Variants in GALNT13 observed in about 807,000 individuals in gnomAD.
GALNT13 encodes UDP-GalNAc:polypeptide N-acetylgalactosaminyltransferase 13.
Under a neutral mutation model 64.2 loss-of-function variants are expected in GALNT13, and 28 were observed. The ratio of observed to expected loss-of-function variants is 0.44; its 90% CI spans 0.32 to 0.60. The LOEUF (loss-of-function observed/expected upper bound fraction) is 0.60, where lower values mean the gene tolerates loss of function less well. Ranked by LOEUF, GALNT13 falls within the 20% of genes least tolerant of loss-of-function variation. The pLI is 0.05. For synonymous variants in GALNT13, 214 were observed against 224.6 expected (o/e 0.95, Z 0.42); for missense variants, 577 against 669.8 (o/e 0.86, Z 1.53).
At chr2:153,312,793 G>A in the GALNT13 span, among the ~76,000 whole-genome samples, 1 of 152,110 alleles carries the variant, frequency 6.6e-6, no homozygotes, top group African/African-American at 2.4e-5. Flanking sequence ...TGTTCAAACT[G>A]GCTTTAGCTC....
At chr2:153,068,438 G>A in the GALNT13 span, among the ~76,000 whole-genome samples, 1 of 152,132 alleles carries the variant, frequency 6.6e-6, no homozygotes, top group Non-Finnish European at 1.5e-5. Context: ...CTGAGGTTTT[G>A]TGTCTGGCTA....
At chr2:153,199,872 G>A in the GALNT13 span, among the ~76,000 whole-genome samples, 2 of 152,156 alleles carry the variant, frequency 1.3e-5, no homozygotes, top group African/African-American at 4.8e-5. Flanking sequence ...GAGGAATGAA[G>A]GATGATACAG....
the GALNT13 span, among the ~76,000 whole-genome samples, chr2:153,544,710 T>G: frequency 1.3e-5 from 2 of 152,224 alleles, no homozygotes; most frequent in African/African-American, 4.8e-5. Flanking sequence ...ATTTCTAATA[T>G]GATACAAGAA....
chr2:153,354,051 A>G, the GALNT13 span, among the ~76,000 whole-genome samples: 13 of 152,162 alleles, frequency 8.5e-5, no homozygotes, highest in Non-Finnish European at 1.6e-4. Context: ...TTGGAAGGCT[A>G]TTAGTGATTG....
chr2:153,133,695 G>A, the GALNT13 span, among the ~76,000 whole-genome samples: 2 of 151,970 alleles, frequency 1.3e-5, no homozygotes, highest in Non-Finnish European at 1.5e-5. Flanking sequence ...TATAATTTAG[G>A]GCAACACAAC....
At chr2:153,912,055 G>T (rs1296474927) in intron 2 of GALNT13, among the ~76,000 whole-genome samples, 1 of 151,770 alleles carries the variant, frequency 6.6e-6, no homozygotes, top group Non-Finnish European at 1.5e-5. Context: ...TCATAGATTT[G>T]GTCTCTTTAT....
chr2:153,925,328 G>GT (rs1354646890), intron 2 of GALNT13, among the ~76,000 whole-genome samples: 2 of 151,952 alleles, frequency 1.3e-5, no homozygotes, highest in African/African-American at 2.4e-5. Flanking sequence ...CCCATTGCTT[G>GT]TTTTTTTCAG....
intron 2 of GALNT13, among the ~76,000 whole-genome samples, chr2:153,934,077 T>G (rs543807509): frequency 1.7e-4 from 26 of 152,314 alleles, no homozygotes; most frequent in Non-Finnish European, 3.4e-4. Context: ...GTCTTGGGGA[T>G]GGTCATCTTT....
chr2:153,727,651 T>A, the GALNT13 span, among the ~76,000 whole-genome samples: 1 of 152,214 alleles, frequency 6.6e-6, no homozygotes, highest in Non-Finnish European at 1.5e-5. Context: ...ATTTTAGCTA[T>A]ATTTTGGGTG....
the GALNT13 span, among the ~76,000 whole-genome samples, chr2:153,447,187 C>G: frequency 6.6e-6 from 1 of 152,140 alleles, no homozygotes; most frequent in Non-Finnish European, 1.5e-5. Flanking sequence ...TATTATTGCA[C>G]CTAAACTGAT....
At chr2:153,721,812 C>G in the GALNT13 span, among the ~76,000 whole-genome samples, 1 of 151,542 alleles carries the variant, frequency 6.6e-6, no homozygotes, top group Non-Finnish European at 1.5e-5. Flanking sequence ...TAAAGCAAGT[C>G]CTGAGTGACC....
chr2:153,716,532 T>G, the GALNT13 span, among the ~76,000 whole-genome samples: 1 of 152,144 alleles, frequency 6.6e-6, no homozygotes, highest in Non-Finnish European at 1.5e-5. Flanking sequence ...TAATGACATT[T>G]CATTCTGAAG....
intron 3 of GALNT13, among the ~76,000 whole-genome samples, chr2:154,076,766 A>G (rs2105403072): frequency 6.6e-6 from 1 of 151,806 alleles, no homozygotes; most frequent in East Asian, 1.9e-4. Flanking sequence ...ATAAAACATT[A>G]TACTATTGGG....
chr2:153,796,764 T>G, the GALNT13 span, among the ~76,000 whole-genome samples: 1 of 152,132 alleles, frequency 6.6e-6, no homozygotes, highest in African/African-American at 2.4e-5. Flanking sequence ...GTAGACATGT[T>G]GTTTCACAGT....
intron 12 of GALNT13, chr2:154,446,520 T>A (rs1475380231): frequency 6.7e-7 from 1 of 1,497,286 alleles, no homozygotes; most frequent in Admixed American, 2.2e-5. Flanking sequence ...TTTATTACTG[T>A]CTTTGTACTT....
At chr2:153,649,254 A>G in the GALNT13 span, among the ~76,000 whole-genome samples, 2 of 152,130 alleles carry the variant, frequency 1.3e-5, no homozygotes, top group Non-Finnish European at 2.9e-5. Flanking sequence ...ATTTGCACAG[A>G]GGTGTTTATA....
the GALNT13 span, among the ~76,000 whole-genome samples, chr2:153,631,516 A>G: frequency 6.6e-5 from 10 of 152,172 alleles, no homozygotes; most frequent in Non-Finnish European, 1.3e-4. Context: ...ACTGGTGTGA[A>G]ATGATATCTC....
the GALNT13 span, among the ~76,000 whole-genome samples, chr2:153,699,550 A>G: frequency 6.6e-6 from 1 of 152,192 alleles, no homozygotes; most frequent in Non-Finnish European, 1.5e-5. Context: ...TGAATCCAGG[A>G]GCTAGATTTT....
At chr2:153,644,725 A>G in the GALNT13 span, among the ~76,000 whole-genome samples, 1 of 151,996 alleles carries the variant, frequency 6.6e-6, no homozygotes, top group Non-Finnish European at 1.5e-5. Context: ...AATTCCTACT[A>G]CGTTGGAATT....
Sources: allele counts gnomAD v4.1 joint callset (sites outside exome capture counted in the v4.1 genomes callset), GRCh38; gene constraint gnomAD v4.1.1; transcripts MANE v1.5; gene names NCBI Gene and HGNC (gene_info 2026-07-23, HGNC 2026-07-21).